Variants in NPAS3 observed in about 807,000 individuals in gnomAD.
The protein encoded by NPAS3 is neuronal PAS domain protein 3.
NPAS3 carries 14 observed loss-of-function variants against 73.1 expected under a neutral mutation model. That is an observed-to-expected ratio of 0.19 (90% CI 0.13 to 0.30). The LOEUF (loss-of-function observed/expected upper bound fraction) is 0.30. Among genes scored for constraint, NPAS3 ranks in the 10% least tolerant of loss-of-function variants. The probability of loss-of-function intolerance (pLI) is 1.00; values close to 1 mark genes in which losing one functional copy is unlikely to be tolerated. For synonymous variants in NPAS3, 620 were observed against 541.5 expected (o/e 1.14, Z -2.01); for missense variants, 1,096 against 1,250.0 (o/e 0.88, Z 1.86).
chr14:33,485,587 C>T (rs2051546209), intron 4 of NPAS3, among the ~76,000 whole-genome samples: 2 of 152,168 alleles, frequency 1.3e-5, no homozygotes, highest in African/African-American at 4.8e-5. Flanking sequence ...TCATGCTTTA[C>T]ATTAACATTT....
chr14:33,240,573 G>T (rs931348103), intron 3 of NPAS3, among the ~76,000 whole-genome samples: 10 of 151,624 alleles, frequency 6.6e-5, no homozygotes, highest in Non-Finnish European at 1.2e-4. Context: ...TTTTCTTCTG[G>T]TTAGTACTCT....
rs186067206 is a variant in NPAS3 at position 33,425,494 on chromosome 14, G to T, written c.468+58226G>T. ...TGAGTGGATTCAAGGTTGCTGCAGG[G>T]CCTCAAAAATATACTCAAGCCAGAT... On this transcript the variant is annotated intron_variant, in intron 4 of 11. Transcript: ENST00000356141. 3.4e-3 allele frequency among the ~76,000 whole-genome samples: 516 copies of T among 150,602 alleles called. 4 individuals are homozygous for T. The highest frequency in any genetic ancestry group is 0.012 in the African/African-American group (498 of 40,978).
At chr14:32,999,911 T>C (rs938670894) in intron 1 of NPAS3, among the ~76,000 whole-genome samples, 3 of 152,220 alleles carry the variant, frequency 2.0e-5, no homozygotes, top group African/African-American at 7.2e-5. Flanking sequence ...GATTCAGTCC[T>C]TGTCTCCAAG....
intron 3 of NPAS3, among the ~76,000 whole-genome samples, chr14:33,297,131 G>A (rs1440511145): frequency 2.6e-5 from 4 of 152,072 alleles, no homozygotes; most frequent in Admixed American, 6.5e-5. Flanking sequence ...GCCTATAAAT[G>A]AGTTGAGAAC....
intron 1 of NPAS3, among the ~76,000 whole-genome samples, chr14:33,043,292 TACTAA>T (rs551786864): frequency 2.1e-3 from 327 of 152,270 alleles, no homozygotes; most frequent in African/African-American, 7.6e-3. Flanking sequence ...TGAAATGCTA[TACTAA>T]ACGATAATTC....
rs552069721 is a variant in NPAS3 at position 33,410,997 on chromosome 14, C to T, written c.468+43729C>T. Among the ~76,000 whole-genome samples, 101 of 152,280 alleles carry T rather than the reference C, an allele frequency of 6.6e-4. 1 individual carries two copies. Among genetic ancestry groups the T allele is most frequent in the South Asian group, 2.3e-3 (11 of 4,820 alleles). ...CTGCTCAGTGTTTGAGTCCTTGTGG[C>T]TTTCAATGATATAGCCTCTTGAACC... On this transcript the variant is annotated intron_variant, in intron 4 of 11. Transcript: ENST00000356141.
At chr14:33,255,919 A>C (rs2048763805) in intron 3 of NPAS3, among the ~76,000 whole-genome samples, 1 of 152,234 alleles carries the variant, frequency 6.6e-6, no homozygotes. Context: ...AGAAAAAATG[A>C]TGACCTCAAA....
chr14:33,298,193 G>A (rs2042382926), intron 3 of NPAS3, among the ~76,000 whole-genome samples: 1 of 152,172 alleles, frequency 6.6e-6, no homozygotes, highest in Non-Finnish European at 1.5e-5. Context: ...TGAGACAGGA[G>A]AATGGCTGGA....
chr14:33,615,822 A>T (rs1305997050), intron 5 of NPAS3, among the ~76,000 whole-genome samples: 1 of 152,224 alleles, frequency 6.6e-6, no homozygotes, highest in Non-Finnish European at 1.5e-5. Flanking sequence ...TCTGCCCTAC[A>T]TATCAACCTA....
chr14:33,176,593 T>C (rs1266232253), intron 2 of NPAS3, among the ~76,000 whole-genome samples: 1 of 152,236 alleles, frequency 6.6e-6, no homozygotes, highest in East Asian at 1.9e-4. Flanking sequence ...TGTACGTAAA[T>C]GCCACATTTG....
intron 4 of NPAS3, among the ~76,000 whole-genome samples, chr14:33,371,100 G>A (rs1594785454): frequency 6.6e-6 from 1 of 152,158 alleles, no homozygotes; most frequent in Non-Finnish European, 1.5e-5. Context: ...CATCATTTAA[G>A]AGGCCAGTAA....
chr14:33,657,700 G>A (rs1354727850), intron 5 of NPAS3, among the ~76,000 whole-genome samples: 1 of 152,072 alleles, frequency 6.6e-6, no homozygotes, highest in Non-Finnish European at 1.5e-5. Context: ...TCAACACTAT[G>A]CTGGCTGCCC....
chr14:33,351,687 C>A (rs8017035), intron 3 of NPAS3, among the ~76,000 whole-genome samples: 74,472 of 152,126 alleles, frequency 0.49, 19,351 homozygotes, highest in African/African-American at 0.67. Context: ...TATAGAATCA[C>A]TATTCAGCTA....
At chr14:33,308,533 C>CACACACACAA (rs1566782445) in intron 3 of NPAS3, among the ~76,000 whole-genome samples, 1 of 85,722 alleles carries the variant, frequency 1.2e-5, no homozygotes, top group Non-Finnish European at 2.4e-5. Flanking sequence ...TATATACATA[C>CACACACACAA]ACACACACAC....
At position 33,794,109 on chromosome 14, in the gene NPAS3, A is replaced by G. The variant is rs1037016498; in HGVS notation, c.1301+65A>G. ...AAAATATGCCATATAAAATATGGCT[A>G]TGGTTAATAGCCGACATGTTGTGAA... On this transcript the variant is annotated intron_variant, in intron 10 of 11. Coordinates refer to ENST00000356141, the Ensembl canonical transcript of NPAS3. 9 of 1,407,458 alleles carry G rather than the reference A, an allele frequency of 6.4e-6. 1 individual carries two copies. In the Admixed American group the frequency reaches 1.5e-4, roughly 24 times the overall value. The allele number at this position is 1,407,458 out of a possible 1,614,324, so 87.2% of individuals were successfully genotyped here.
At chr14:33,046,886 A>G (rs1239259173) in intron 1 of NPAS3, among the ~76,000 whole-genome samples, 2 of 152,180 alleles carry the variant, frequency 1.3e-5, no homozygotes, top group Non-Finnish European at 1.5e-5. Flanking sequence ...AGGCAGGAGA[A>G]TCACTTGAAC....
chr14:33,108,200 T>TTA (rs2138940366), intron 2 of NPAS3, among the ~76,000 whole-genome samples: 1 of 151,362 alleles, frequency 6.6e-6, no homozygotes, highest in South Asian at 2.1e-4. Context: ...TTCTGATTTT[T>TTA]TTTTTTTTTT....
chr14:33,691,745 G>A lies in NPAS3; in HGVS notation c.733+15360G>A, dbSNP rs1301095071. On this transcript the variant is annotated intron_variant, in intron 6 of 11. Coordinates refer to ENST00000356141, the Ensembl canonical transcript of NPAS3. The stretch of plus-strand genomic sequence containing the variant: ...AAGAAAACCTTCCCGTTTTTCCACT[G>A]GCTTCCTTGGGTTCTGTAGAATTAT... 3.9e-5 allele frequency among the ~76,000 whole-genome samples: 6 copies of A among 152,232 alleles called. No homozygotes were observed. In the South Asian group the frequency reaches 6.2e-4, roughly 16 times the overall value.
intron 2 of NPAS3, among the ~76,000 whole-genome samples, chr14:33,111,663 C>CT (rs544311732): frequency 0.076 from 10,969 of 143,520 alleles, 506 homozygotes; most frequent in Admixed American, 0.12. Context: ...CTTTTTTTTT[C>CT]TTTTTTTTTT....
Sources: gnomAD v4.1 joint callset for allele counts (sites outside exome capture counted in the v4.1 genomes callset) on GRCh38, gnomAD v4.1.1 for gene constraint, MANE v1.5 for transcripts, NCBI Gene and HGNC (gene_info 2026-07-23, HGNC 2026-07-21) for gene names.